RPS6KL1: variants seen among roughly 807,000 people sequenced by gnomAD.
RPS6KL1 encodes ribosomal protein S6 kinase-like 1.
Under a neutral mutation model 57.0 loss-of-function variants are expected in RPS6KL1, and 41 were observed. The ratio of observed to expected loss-of-function variants is 0.72; its 90% CI spans 0.56 to 0.93. The LOEUF (loss-of-function observed/expected upper bound fraction) is 0.93, where lower values mean the gene tolerates loss of function less well. Ranked by LOEUF, RPS6KL1 falls within the 40% of genes least tolerant of loss-of-function variation. RPS6KL1 has a pLI of 0.00. For missense variants in RPS6KL1, 697 were observed against 727.7 expected (o/e 0.96, Z 0.49); for synonymous variants, 287 against 309.7 (o/e 0.93, Z 0.77).
chr14:74,910,096 C>A lies in RPS6KL1; in HGVS notation c.717G>T (p.Gly239=). The A allele has an allele frequency of 6.3e-7, 1 of 1,589,636 alleles. No homozygotes were observed. The highest frequency in any genetic ancestry group is 1.7e-5 in the Admixed American group (1 of 58,484). The change falls in exon 8 of 12, where the codon GGG becomes GGT. Residue 239 remains glycine, a synonymous_variant. Transcript: ENST00000557413. ...LLSQAHSRHS[G]LSSGSTQERM... is the part of the protein sequence containing the mutation. ...TCTCCTGGGTAGAGCCAGAGCTGAG[C>A]CCAGAATGTCGGGAGTGCGCCTGGG...
intron 11 of RPS6KL1, 43 bp from the exon 12 acceptor site, chr14:74,907,167 A>G: frequency 6.5e-7 from 1 of 1,528,604 alleles, no homozygotes; most frequent in Non-Finnish European, 8.9e-7. Flanking sequence ...CCAGCTGTGG[A>G]GGCATGGGGT....
At chr14:74,923,008 CCCGCCGGGCAGGGTCCTGCCGGGCAGAG>C (rs2140377470) in intron 1 of RPS6KL1, among the ~76,000 whole-genome samples, 144 bp downstream of exon 1, 1 of 152,306 alleles carries the variant, frequency 6.6e-6, no homozygotes, top group African/African-American at 2.4e-5. Flanking sequence ...CAGGGTCCAC[CCCGCCGGGCAGGGTCCTGCCGGGCAGAG>C]CCGCCGGCCC....
intron 3 of RPS6KL1, among the ~76,000 whole-genome samples, chr14:74,920,368 G>A (rs1285041595): frequency 6.6e-6 from 1 of 152,242 alleles, no homozygotes; most frequent in African/African-American, 2.4e-5. Context: ...AAGAAGGCTA[G>A]GGTGGGGACC....
intron 5 of RPS6KL1, among the ~76,000 whole-genome samples, chr14:74,912,200 G>A (rs1886119938): frequency 6.6e-6 from 1 of 152,172 alleles, no homozygotes; most frequent in Non-Finnish European, 1.5e-5. Flanking sequence ...GCCCTGCACA[G>A]TGCAGGGATG....
intron 4 of RPS6KL1, among the ~76,000 whole-genome samples, chr14:74,919,433 ATG>A (rs1313755137): frequency 1.3e-5 from 2 of 152,198 alleles, no homozygotes; most frequent in East Asian, 1.9e-4. Context: ...GCACACAGAT[ATG>A]TGTGTGTGCA....
chr14:74,920,098 T>C, intron 3 of RPS6KL1, 129 bp from the exon 4 acceptor site: 1 of 1,213,332 alleles, frequency 8.2e-7, no homozygotes, highest in Non-Finnish European at 1.2e-6. Context: ...CGGCAGATTC[T>C]GCCCCCAGAT....
intron 7 of RPS6KL1, chr14:74,910,354 G>A: frequency 2.4e-6 from 1 of 419,112 alleles, no homozygotes; most frequent in Non-Finnish European, 4.1e-6. Flanking sequence ...CCCAACTAAA[G>A]TGGGCCCAGC....
chr14:74,909,058 G>C (rs771810859), intron 9 of RPS6KL1, 43 bp downstream of exon 9: 90 of 1,598,496 alleles, frequency 5.6e-5, no homozygotes, highest in Middle Eastern at 1.6e-4. Context: ...CCACACAAAG[G>C]CACCCAGGTG....
intron 2 of RPS6KL1, 129 bp downstream of exon 2, chr14:74,921,849 C>T: frequency 1.5e-6 from 1 of 645,276 alleles, no homozygotes; most frequent in Admixed American, 4.6e-5. Context: ...GCGATCTCGG[C>T]TCACTGCAAC....
intron 3 of RPS6KL1, among the ~76,000 whole-genome samples, chr14:74,920,384 C>T (rs147659806): frequency 7.2e-5 from 11 of 152,274 alleles, no homozygotes; most frequent in Non-Finnish European, 1.5e-4. Flanking sequence ...GGACCAGGAT[C>T]GGGGGATAAA....
Position 74,907,444 on chromosome 14 carries a change from C to G in RPS6KL1, c.1530G>C (p.Leu510=). The G allele has an allele frequency of 6.3e-7, 1 of 1,579,040 alleles. No homozygotes were observed. Among genetic ancestry groups the G allele is most frequent in the Non-Finnish European group, 8.6e-7 (1 of 1,162,704 alleles). ...PEWLSRPAAS[L]LTELLQFEPT... Reference sequence around the variant, plus strand: ...CCGGGCTACACCTCACCTCAGTCAGCAGAGAGGCCGCTGGGCGACTGAGCC... The same window carrying G: ...CCGGGCTACACCTCACCTCAGTCAGGAGAGAGGCCGCTGGGCGACTGAGCC... The change falls in exon 11 of 12, where the codon CTG becomes CTC. Residue 510 remains leucine (L), a synonymous_variant. Transcript: ENST00000557413.
intron 11 of RPS6KL1, 60 bp downstream of exon 11, chr14:74,907,375 C>G: frequency 6.5e-7 from 1 of 1,532,240 alleles, no homozygotes; most frequent in East Asian, 2.5e-5. Context: ...CAGTTCTGTG[C>G]CCCTCCCAGC....
intron 3 of RPS6KL1, 127 bp from the exon 4 acceptor site, chr14:74,920,096 T>A: frequency 8.8e-6 from 11 of 1,254,742 alleles, no homozygotes; most frequent in Non-Finnish European, 1.2e-5. Context: ...TTCGGCAGAT[T>A]CTGCCCCCAG....
At chr14:74,912,495 G>A (rs2140291988) in intron 5 of RPS6KL1, among the ~76,000 whole-genome samples, 1 of 152,248 alleles carries the variant, frequency 6.6e-6, no homozygotes, top group Admixed American at 6.5e-5. Context: ...CCAACATCCT[G>A]CAGGGTCTGA....
intron 10 of RPS6KL1, among the ~76,000 whole-genome samples, chr14:74,908,259 T>G (rs1253986811): frequency 2.6e-5 from 4 of 152,200 alleles, no homozygotes; most frequent in Non-Finnish European, 4.4e-5. Flanking sequence ...GCTGCCTACA[T>G]AACTGGCCTC....
In RPS6KL1 at chr14:74,905,211, C is replaced by T. The variant is rs1029625258; in HGVS notation, c.*1803G>A. ...TGTGTAGCTTTGGGTGGATGAAGCA[C>T]AGAAGTTCCAGAAGGGACTTGTGCT... On this transcript the variant is annotated 3_prime_UTR_variant, in exon 12 of 12. Coordinates refer to ENST00000557413, the MANE Select transcript of RPS6KL1 (RefSeq NM_031464.5). The T allele has an allele frequency of 2.6e-5, 4 of 152,156 alleles. No homozygotes were observed. The highest frequency in any genetic ancestry group is 5.9e-5 in the Non-Finnish European group (4 of 68,040). 9.4% of individuals were successfully genotyped at this position (152,156 alleles called of 1,614,324 possible).
chr14:74,908,701 G>A, intron 10 of RPS6KL1, 149 bp downstream of exon 10: 1 of 700,236 alleles, frequency 1.4e-6, no homozygotes. Context: ...AATGTGTTGG[G>A]AGTGCTAAGT....
At chr14:74,911,707 C>T (rs1350639956) in intron 6 of RPS6KL1, 87 bp downstream of exon 6, 1 of 1,289,334 alleles carries the variant, frequency 7.8e-7, no homozygotes, top group East Asian at 2.5e-5. Context: ...GTGCAGGCTT[C>T]AAATGCAGGT....
At chr14:74,916,050 T>G (rs1886787138) in intron 5 of RPS6KL1, among the ~76,000 whole-genome samples, 1 of 152,186 alleles carries the variant, frequency 6.6e-6, no homozygotes, top group African/African-American at 2.4e-5. Flanking sequence ...TCTTCAGCCC[T>G]TAGTTATCCT....
Sources: allele counts gnomAD v4.1 joint callset (sites outside exome capture counted in the v4.1 genomes callset), GRCh38; gene constraint gnomAD v4.1.1; transcripts MANE v1.5; gene names NCBI Gene and HGNC (gene_info 2026-07-23, HGNC 2026-07-21).